The following EPB41L1 variants were observed in gnomAD, a reference collection of about 807,000 sequenced individuals.
EPB41L1 encodes the protein band 4.1-like protein 1.
A neutral mutation model predicts 97.8 loss-of-function variants in EPB41L1; 29 were observed. That is an observed-to-expected ratio of 0.30 (90% CI 0.22 to 0.40). The LOEUF (loss-of-function observed/expected upper bound fraction) is 0.40, where lower values mean the gene tolerates loss of function less well. Ranked by LOEUF, EPB41L1 falls within the 10% of genes least tolerant of loss-of-function variation. The pLI is 1.00. For synonymous variants in EPB41L1, 383 were observed against 459.2 expected, an observed-to-expected ratio of 0.83 and a Z score of 2.12; for missense variants, 812 against 1,162.3, an observed-to-expected ratio of 0.70 and a Z score of 4.38.
At position 36,093,749 on chromosome 20, in the gene EPB41L1, G is replaced by A. The variant is rs2057739892; in HGVS notation, c.-65+2137G>A. 6.6e-6 allele frequency among the ~76,000 whole-genome samples: 1 copy of A among 151,998 alleles called. No homozygotes were observed. Among genetic ancestry groups the A allele is most frequent in the Admixed American group, 6.6e-5 (1 of 15,254 alleles). On this transcript the variant is annotated intron_variant, in intron 1 of 19. Transcript: ENST00000202028. This position sits in a 1 kb window ranked among gnomAD's most constrained non-coding sequence, Gnocchi z 5.4. ...CGTGTGTGGATGTGGGTGTGGGTGCGGGGTGGTGGTGGTAGCAACAGCAGT... is the reference window on the plus strand; with the variant it reads ...CGTGTGTGGATGTGGGTGTGGGTGCAGGGTGGTGGTGGTAGCAACAGCAGT...
chr20:36,178,504 C>T, intron 4 of EPB41L1, 126 bp from the exon 5 acceptor site: 1 of 958,142 alleles, frequency 1.0e-6, no homozygotes. Flanking sequence ...AACCAAGAGG[C>T]TTAGCCAAGG....
At chr20:36,166,613 G>A (rs1372310491) in intron 1 of EPB41L1, among the ~76,000 whole-genome samples, 1 of 152,170 alleles carries the variant, frequency 6.6e-6, no homozygotes. Context: ...CCAGCTGGGC[G>A]TGGTGACTCA....
At chr20:36,154,268 T>C (rs2060176679), upstream of EPB41L1, among the ~76,000 whole-genome samples, 1 of 152,092 alleles carries the variant, frequency 6.6e-6, no homozygotes, top group African/African-American at 2.4e-5. This position sits in a 1 kb window ranked among gnomAD's most constrained non-coding sequence, Gnocchi z 5.5. Flanking sequence ...CCACTGAGGC[T>C]GAGTCACCCC....
At chr20:36,159,300 G>C (rs1007600928) in intron 1 of EPB41L1, among the ~76,000 whole-genome samples, 2 of 152,172 alleles carry the variant, frequency 1.3e-5, no homozygotes, top group African/African-American at 2.4e-5. Context: ...TATAATAGCA[G>C]TAAATTGGGA....
At chr20:36,099,626 A>G (rs768217402) in intron 1 of EPB41L1, among the ~76,000 whole-genome samples, 1 of 152,038 alleles carries the variant, frequency 6.6e-6, no homozygotes, top group South Asian at 2.1e-4. Context: ...GAGGCATCCC[A>G]TGAAGTGTCG....
rs139272766 is a variant in EPB41L1, at chr20:36,178,888, C to T, written c.490+216C>T. Among the ~76,000 whole-genome samples, 1,304 of 151,550 alleles carry T rather than the reference C, an allele frequency of 8.6e-3. 26 individuals are homozygous for T. The highest frequency in any genetic ancestry group is 0.03 in the African/African-American group (1,221 of 41,372). ...CCTGGCCAACATGGGAAAAGCCTGT[C>T]CCTACTAAAAAAAAATACAAAAATT... On this transcript the variant is annotated intron_variant, in intron 5 of 21. Transcript: ENST00000338074.
intron 6 of EPB41L1, among the ~76,000 whole-genome samples, chr20:36,184,276 A>C (rs185530239): frequency 6.6e-6 from 1 of 152,322 alleles, no homozygotes; most frequent in African/African-American, 2.4e-5. Flanking sequence ...GTTGAAAAAA[A>C]ATGGTGAAAC....
In EPB41L1 at chr20:36,190,040, G is replaced by C. The variant is rs1460179004; in HGVS notation, c.1027-237G>C. Among the ~76,000 whole-genome samples, 1 of 151,988 alleles carries C rather than the reference G, an allele frequency of 6.6e-6. No homozygotes were observed. Among genetic ancestry groups the C allele is most frequent in the African/African-American group, 2.4e-5 (1 of 41,360 alleles). ...TCTCTACAAAAAATTAGCTGGTGTG[G>C]TGTCGTCTGACTGTAGTCCTGGCTA... On this transcript the variant is annotated intron_variant, in intron 9 of 21. Coordinates refer to ENST00000338074, the MANE Select transcript of EPB41L1 (RefSeq NM_012156.2). This position sits in a 1 kb window ranked among gnomAD's most constrained non-coding sequence, Gnocchi z 5.8.
rs2061115457 is a variant in EPB41L1 at position 36,174,060 on chromosome 20, A to G, written c.177+106A>G. 4.1e-6 allele frequency: 5 copies of G among 1,217,470 alleles called. No individual in the cohort carries two copies. The East Asian group carries it at 1.3e-4, about 31-fold the overall frequency. 75.4% of individuals were successfully genotyped at this position (1,217,470 alleles called of 1,614,324 possible). On this transcript the variant is annotated intron_variant, in intron 2 of 21. Transcript: ENST00000338074. ...CTGGAGGGAGGAAAGAAGGAAACTA[A>G]GATTTATTAGTGACCTGTTACATGC...
chr20:36,173,556 G>T (rs2061087437), intron 1 of EPB41L1, among the ~76,000 whole-genome samples: 1 of 152,110 alleles, frequency 6.6e-6, no homozygotes, highest in Non-Finnish European at 1.5e-5. Context: ...GGTGGGAGGG[G>T]TGCCTGTGAC....
At chr20:36,121,755 G>A (rs1467076119) in intron 2 of EPB41L1, 1 of 152,242 alleles carries the variant, frequency 6.6e-6, no homozygotes, top group East Asian at 1.9e-4. Flanking sequence ...GACGGAACAG[G>A]TTCCAGCAAG....
intron 2 of EPB41L1, among the ~76,000 whole-genome samples, chr20:36,143,076 C>T (rs1411410500): frequency 6.6e-6 from 1 of 151,896 alleles, no homozygotes; most frequent in Non-Finnish European, 1.5e-5. Flanking sequence ...TCCGAGTGAC[C>T]GCACCGCCAG....
chr20:36,124,294 A>C (rs904181654), intron 2 of EPB41L1, among the ~76,000 whole-genome samples: 9 of 152,208 alleles, frequency 5.9e-5, no homozygotes, highest in African/African-American at 2.2e-4. Flanking sequence ...CCCAAAAAAC[A>C]CAAATCTGAC....
At chr20:36,099,965 G>A (rs1374452202) in intron 1 of EPB41L1, among the ~76,000 whole-genome samples, 1 of 152,220 alleles carries the variant, frequency 6.6e-6, no homozygotes, top group African/African-American at 2.4e-5. Context: ...CTCTGAGTGA[G>A]CAGGCTGAAT....
chr20:36,124,234 G>A (rs1484919851), intron 2 of EPB41L1, among the ~76,000 whole-genome samples: 3 of 152,072 alleles, frequency 2.0e-5, no homozygotes, highest in Non-Finnish European at 2.9e-5. Context: ...CAGCCTGGGC[G>A]ACAGAGTGAG....
At chr20:36,132,238 C>T (rs1025994788) in intron 2 of EPB41L1, among the ~76,000 whole-genome samples, 5 of 152,086 alleles carry the variant, frequency 3.3e-5, no homozygotes, top group East Asian at 1.9e-4. Flanking sequence ...CTTATGGGGC[C>T]GAAGTCAGGG....
chr20:36,157,276 A>G (rs1416168480), intron 1 of EPB41L1, among the ~76,000 whole-genome samples: 1 of 152,176 alleles, frequency 6.6e-6, no homozygotes, highest in Non-Finnish European at 1.5e-5. Flanking sequence ...GATAAATACC[A>G]ATGATTACAC....
rs2057682315 is a variant in EPB41L1, at chr20:36,092,295, C to T, written c.-65+683C>T. Among the ~76,000 whole-genome samples, 1 of 152,170 alleles carries T rather than the reference C, an allele frequency of 6.6e-6. No individual in the cohort carries two copies. Among genetic ancestry groups the T allele is most frequent in the African/African-American group, 2.4e-5 (1 of 41,468 alleles). On this transcript the variant is annotated intron_variant, in intron 1 of 19. Transcript: ENST00000202028. This position sits in a 1 kb window ranked among gnomAD's most constrained non-coding sequence, Gnocchi z 7.0. ...AAATCGAGGTCGGCGCTGGCGGGAA[C>T]CCGGGAGGACGTGGGGGCCCCGGGT...
intron 4 of EPB41L1, 21 bp downstream of exon 4, chr20:36,178,077 G>A (rs781608818): frequency 1.3e-6 from 2 of 1,578,492 alleles, no homozygotes; most frequent in South Asian, 1.1e-5. Context: ...TAGGGAGCAG[G>A]GTGGGACCTG....
Sources: allele counts gnomAD v4.1 joint callset (sites outside exome capture counted in the v4.1 genomes callset), GRCh38; gene constraint gnomAD v4.1.1; non-coding constraint Gnocchi (gnomAD v3.1); transcripts MANE v1.5; gene names NCBI Gene and HGNC (gene_info 2026-07-23, HGNC 2026-07-21).